Variants in EFHC1 observed in about 807,000 individuals in gnomAD.
The protein encoded by EFHC1 is EF-hand domain-containing protein 1.
A neutral mutation model predicts 69.9 loss-of-function variants in EFHC1; 53 were observed. That is an observed-to-expected ratio of 0.76 (90% confidence interval 0.61 to 0.95). The LOEUF (loss-of-function observed/expected upper bound fraction) is 0.95, where lower values mean the gene tolerates loss of function less well. EFHC1 is among the 40% of genes least tolerant of loss of function. The pLI is 0.00. For synonymous variants in EFHC1, 256 were observed against 278.4 expected (o/e 0.92, Z 0.80); for missense variants, 739 against 798.7 (o/e 0.93, Z 0.90).
At position 52,494,663 on chromosome 6, in the gene EFHC1, C is replaced by T; in HGVS notation, c.*2322C>T. 2.2e-6 allele frequency: 1 copy of T among 453,946 alleles called. No homozygotes were observed. Among genetic ancestry groups the T allele is most frequent in the Non-Finnish European group, 4.4e-6 (1 of 226,750 alleles). The allele number at this position is 453,946 out of a possible 1,614,324, so 28.1% of individuals were successfully genotyped here. A position where few individuals can be genotyped will look rare whatever the true frequency, so the allele number is the denominator to read the frequency against. ...TGCACCCAGGTAGTGAGCATAGTGCCCAGTAAGTAGTTTTTCCACACATAC... is the reference window on the plus strand; with the variant it reads ...TGCACCCAGGTAGTGAGCATAGTGCTCAGTAAGTAGTTTTTCCACACATAC... On this transcript the variant is annotated 3_prime_UTR_variant, in exon 11 of 11. Coordinates refer to ENST00000371068, the MANE Select transcript of EFHC1 (RefSeq NM_018100.4).
In EFHC1 at chr6:52,455,350, A is replaced by T. The variant is rs139266410; in HGVS notation, c.916+1063A>T. Among the ~76,000 whole-genome samples, 687 of 151,676 alleles carry T rather than the reference A, an allele frequency of 4.5e-3. 3 individuals carry two copies. The highest frequency in any genetic ancestry group is 0.011 in the African/African-American group (474 of 41,378). The stretch of plus-strand genomic sequence containing the variant: ...TTTACTATATTTTTTGGGAATTAGG[A>T]TATAAGAAATTTCAGGTATTGGGGC... On this transcript the variant is annotated intron_variant, in intron 5 of 10. Transcript: ENST00000371068.
intron 4 of EFHC1, chr6:52,453,856 T>G: frequency 3.7e-6 from 5 of 1,354,242 alleles, no homozygotes; most frequent in Non-Finnish European, 4.8e-6. Context: ...GCTCTTCTTT[T>G]TTGGCACAAA....
rs368151926 is a variant in EFHC1 at position 52,479,910 on chromosome 6, T to C, written c.1640+123T>C. 1.3e-5 allele frequency: 19 copies of C among 1,461,400 alleles called. No homozygotes were observed. In the African/African-American group the frequency reaches 2.4e-4, roughly 18 times the overall value. The allele number at this position is 1,461,400 out of a possible 1,614,324, so 90.5% of individuals were successfully genotyped here. On this transcript the variant is annotated intron_variant, in intron 9 of 10. Coordinates refer to ENST00000371068, the MANE Select transcript of EFHC1 (RefSeq NM_018100.4). ...CTCTCACCAGGTGGGAATTATTAGA[T>C]ATAAACAGAAGGTTCCCTGTGTCAA...
At chr6:52,445,732 T>C (rs972235750) in intron 3 of EFHC1, among the ~76,000 whole-genome samples, 3 of 152,238 alleles carry the variant, frequency 2.0e-5, no homozygotes, top group African/African-American at 7.2e-5. Flanking sequence ...CTGCTTTAAA[T>C]GTGTCCCAGA....
At chr6:52,429,065 T>C (rs1764363222) in intron 2 of EFHC1, among the ~76,000 whole-genome samples, 1 of 152,234 alleles carries the variant, frequency 6.6e-6, no homozygotes. Context: ...CTAATTTGTT[T>C]GAGTTCATTG....
intron 1 of EFHC1, among the ~76,000 whole-genome samples, chr6:52,423,156 G>A (rs139701636): frequency 8.3e-4 from 127 of 152,296 alleles, no homozygotes; most frequent in Admixed American, 4.0e-3. Context: ...CCATCCAGTT[G>A]CTTTCCAAAG....
intron 7 of EFHC1, among the ~76,000 whole-genome samples, chr6:52,471,099 A>G (rs1214488238): frequency 6.6e-6 from 1 of 152,250 alleles, no homozygotes; most frequent in Non-Finnish European, 1.5e-5. Context: ...AACAATGAGA[A>G]CCGCAGAAGT....
At chr6:52,466,352 C>T (rs1765306314) in intron 6 of EFHC1, among the ~76,000 whole-genome samples, 1 of 152,168 alleles carries the variant, frequency 6.6e-6, no homozygotes, top group African/African-American at 2.4e-5. Context: ...TCTTGTTTTA[C>T]TCCCAGGAAC....
intron 7 of EFHC1, among the ~76,000 whole-genome samples, chr6:52,471,648 T>C (rs1765437678): frequency 6.6e-6 from 1 of 152,052 alleles, no homozygotes; most frequent in Admixed American, 6.6e-5. Flanking sequence ...GGCAGATCAC[T>C]TGAGGTCAGG....
chr6:52,453,710 A>AT (rs891017664), intron 4 of EFHC1: 4 of 1,250,174 alleles, frequency 3.2e-6, no homozygotes, highest in East Asian at 5.6e-5. Context: ...ATAAATAAAA[A>AT]TTTTTTCTAC....
Position 52,438,388 on chromosome 6 carries a change from T to C in EFHC1, c.370T>C (p.Tyr124His), listed in dbSNP as rs753777140. 5.6e-6 allele frequency: 9 copies of C among 1,614,030 alleles called. No individual in the cohort carries two copies. In the Admixed American group the frequency reaches 1.0e-4, roughly 18 times the overall value. The change falls in exon 3 of 11, where the codon TAT becomes CAT. Residue 124 changes from tyrosine to histidine, a missense_variant. Tyr to His is a moderately conservative substitution (Grantham distance 83). Transcript: ENST00000371068. Reference sequence around the variant, plus strand: ...TAGGATCCGTCAGGTGAACATTTACTATTATCTAGAAGATGACAGCATGTC... The same window carrying C: ...TAGGATCCGTCAGGTGAACATTTACCATTATCTAGAAGATGACAGCATGTC... ...QYRIRQVNIY[Y>H]YLEDDSMSVI...
rs1766010649 is a variant in EFHC1, at chr6:52,494,891, T to G, written c.*2550T>G. On this transcript the variant is annotated 3_prime_UTR_variant, in exon 11 of 11. Transcript: ENST00000371068. ...AATACATGATTTCATTTTTTATGGC[T>G]GCGTAGTATTCCATGGTGTAGATAT... 3 of 451,152 alleles carry G rather than the reference T, an allele frequency of 6.6e-6. No homozygotes were observed. The highest frequency in any genetic ancestry group is 1.3e-5 in the Non-Finnish European group (3 of 224,610). The allele number at this position is 451,152 out of a possible 1,614,324, so 27.9% of individuals were successfully genotyped here.
chr6:52,440,755 G>C (rs1451741120), intron 3 of EFHC1, among the ~76,000 whole-genome samples: 1 of 152,132 alleles, frequency 6.6e-6, no homozygotes, highest in African/African-American at 2.4e-5. Context: ...CTCATCACCA[G>C]TGTATAAACA....
chr6:52,484,343 A>C (rs906646488), intron 9 of EFHC1: 2 of 152,258 alleles, frequency 1.3e-5, no homozygotes, highest in African/African-American at 2.4e-5. Context: ...TGTATCTGAA[A>C]AATTTTCAAA....
At chr6:52,422,480 C>G (rs1764213584) in intron 1 of EFHC1, among the ~76,000 whole-genome samples, 1 of 152,112 alleles carries the variant, frequency 6.6e-6, no homozygotes, top group Admixed American at 6.5e-5. Flanking sequence ...GGGTTATATA[C>G]AGTTTATAAC....
chr6:52,440,684 G>C (rs896983782), intron 3 of EFHC1, among the ~76,000 whole-genome samples: 4 of 151,982 alleles, frequency 2.6e-5, no homozygotes, highest in African/African-American at 9.7e-5. Flanking sequence ...TGGTAGTTCT[G>C]TTTTCAGGTC....
At chr6:52,424,560 A>G (rs1265041972) in intron 2 of EFHC1, among the ~76,000 whole-genome samples, 5 of 152,254 alleles carry the variant, frequency 3.3e-5, no homozygotes, top group Non-Finnish European at 7.3e-5. Context: ...TATGAAAACA[A>G]TGACTCCATC....
chr6:52,431,411 A>T (rs141262473), intron 2 of EFHC1, among the ~76,000 whole-genome samples: 6 of 152,200 alleles, frequency 3.9e-5, no homozygotes, highest in Non-Finnish European at 8.8e-5. Flanking sequence ...CATTATTGTC[A>T]TTCAGTTCGA....
rs189665808 is a variant in EFHC1, at chr6:52,474,119, A to G, written c.1278+4646A>G. On this transcript the variant is annotated intron_variant, in intron 7 of 10. Coordinates refer to ENST00000371068, the MANE Select transcript of EFHC1 (RefSeq NM_018100.4). ...AGGAAGATCACTTGAACCCTATGTC[A>G]TAGGGCAACATAATGAGACCCTATC... is the stretch of plus-strand genomic sequence containing the variant. 1.2e-3 allele frequency among the ~76,000 whole-genome samples: 183 copies of G among 152,272 alleles called. 1 individual carries two copies. The highest frequency in any genetic ancestry group is 6.2e-4 in the South Asian group (3 of 4,822).
Sources: gnomAD v4.1 joint callset for allele counts (sites outside exome capture counted in the v4.1 genomes callset) on GRCh38, gnomAD v4.1.1 for gene constraint, MANE v1.5 for transcripts, NCBI Gene and HGNC (gene_info 2026-07-23, HGNC 2026-07-21) for gene names.